The following LRMDA variants were observed in gnomAD, a reference collection of about 807,000 sequenced individuals.
LRMDA encodes the protein leucine rich melanocyte differentiation associated.
LRMDA carries 18 observed loss-of-function variants against 29.8 expected under a neutral mutation model. That is an observed-to-expected ratio of 0.60 (90% CI 0.42 to 0.90). The LOEUF is 0.90. Ranked by LOEUF, LRMDA falls within the 40% of genes least tolerant of loss-of-function variation. The pLI is 0.00. For synonymous variants in LRMDA, 125 were observed against 109.4 expected, an observed-to-expected ratio of 1.14 and a Z score of -0.89; for missense variants, 273 against 273.9, an observed-to-expected ratio of 1.00 and a Z score of 0.02.
At chr10:76,539,201 A>G (rs1393894913) in intron 6 of LRMDA, among the ~76,000 whole-genome samples, 3 of 152,206 alleles carry the variant, frequency 2.0e-5, no homozygotes, top group African/African-American at 7.2e-5. Flanking sequence ...ACCCCAAGGA[A>G]GGCAAGGAAG....
chr10:75,769,939 C>A lies in LRMDA; in HGVS notation c.132-266069C>A, dbSNP rs181539510. Among the ~76,000 whole-genome samples, 17 of 152,188 alleles carry A rather than the reference C, an allele frequency of 1.1e-4. No homozygotes were observed. The East Asian group carries it at 3.1e-3, about 28-fold the overall frequency. On this transcript the variant is annotated intron_variant, in intron 2 of 6. Transcript: ENST00000611255. ...TGGAGGTTGCAGTGAGCCAAGAGTG[C>A]ACCACTGCACTCCAGCCTGGATGAC...
chr10:75,616,695 A>G (rs1235024725), intron 2 of LRMDA, among the ~76,000 whole-genome samples: 4 of 152,180 alleles, frequency 2.6e-5, no homozygotes, highest in Non-Finnish European at 4.4e-5. Context: ...AGTTATCTCA[A>G]AATTTGGTTT....
Position 76,239,875 on chromosome 10 carries a change from A to G in LRMDA, c.517-84526A>G, listed in dbSNP as rs1032350626. Among the ~76,000 whole-genome samples, 9 of 151,856 alleles carry G rather than the reference A, an allele frequency of 5.9e-5. No individual in the cohort carries two copies. The East Asian group carries it at 1.5e-3, about 26-fold the overall frequency. On this transcript the variant is annotated intron_variant, in intron 5 of 6. Transcript: ENST00000611255. The stretch of plus-strand genomic sequence containing the variant: ...AACTCTGTGAGGTGATGGGTGTGTT[A>G]ATTAATTTGATTGTGCTAATCATTA...
chr10:75,787,416 G>A (rs968810871), intron 2 of LRMDA, among the ~76,000 whole-genome samples: 13 of 152,238 alleles, frequency 8.5e-5, no homozygotes, highest in Admixed American at 2.0e-4. Flanking sequence ...CTCAGGAGGC[G>A]CCTGAATCTT....
At chr10:75,613,912 C>T (rs1036812589) in intron 2 of LRMDA, among the ~76,000 whole-genome samples, 4 of 152,190 alleles carry the variant, frequency 2.6e-5, no homozygotes, top group African/African-American at 7.2e-5. Flanking sequence ...CATAGGTTGC[C>T]TATTCAGGGA....
chr10:76,359,045 C>T (rs1427536931), intron 6 of LRMDA, among the ~76,000 whole-genome samples: 1 of 152,132 alleles, frequency 6.6e-6, no homozygotes, highest in African/African-American at 2.4e-5. Flanking sequence ...CTCTGTTCTC[C>T]CAGCCCATCC....
At chr10:75,490,694 T>C (rs1844975874) in intron 2 of LRMDA, among the ~76,000 whole-genome samples, 1 of 152,164 alleles carries the variant, frequency 6.6e-6, no homozygotes, top group Non-Finnish European at 1.5e-5. Flanking sequence ...TGCAACTAGA[T>C]TTTGGGATAT....
At chr10:75,740,332 T>G (rs969712428) in intron 2 of LRMDA, among the ~76,000 whole-genome samples, 1 of 152,216 alleles carries the variant, frequency 6.6e-6, no homozygotes, top group South Asian at 2.1e-4. Context: ...GAATGGCTCC[T>G]GGGAACACGG....
At chr10:75,831,449 C>T (rs1407856089) in intron 2 of LRMDA, among the ~76,000 whole-genome samples, 3 of 152,238 alleles carry the variant, frequency 2.0e-5, no homozygotes, top group East Asian at 1.9e-4. Flanking sequence ...TCTTGGGCAG[C>T]TCTGCCCCTC....
intron 2 of LRMDA, among the ~76,000 whole-genome samples, chr10:75,537,533 T>G (rs1839964396): frequency 6.6e-6 from 1 of 152,214 alleles, no homozygotes; most frequent in African/African-American, 2.4e-5. Flanking sequence ...AATTTATCCT[T>G]GTTATCCTTG....
chr10:76,485,343 C>T lies in LRMDA; in HGVS notation c.602-71866C>T, dbSNP rs1907330. Among the ~76,000 whole-genome samples, 702 of 151,926 alleles carry T rather than the reference C, an allele frequency of 4.6e-3. 3 individuals carry two copies. The highest frequency in any genetic ancestry group is 7.3e-3 in the Non-Finnish European group (494 of 67,844). ...TGGTTGACTTAAAGTTTGTAATACA[C>T]GTTTACAGCTATTCTAAGTTTGACT... On this transcript the variant is annotated intron_variant, in intron 6 of 6. Coordinates refer to ENST00000611255, the MANE Select transcript of LRMDA (RefSeq NM_001305581.2).
At chr10:75,891,229 GAA>G (rs1221952488) in intron 2 of LRMDA, among the ~76,000 whole-genome samples, 2 of 152,218 alleles carry the variant, frequency 1.3e-5, no homozygotes, top group Non-Finnish European at 2.9e-5. Flanking sequence ...TTCCCTGTAG[GAA>G]GAAACAAGAA....
intron 6 of LRMDA, among the ~76,000 whole-genome samples, chr10:76,342,996 C>T (rs1483677175): frequency 6.6e-6 from 1 of 151,784 alleles, no homozygotes; most frequent in African/African-American, 2.4e-5. Flanking sequence ...TAAAAAAAAC[C>T]CTGATCTGTA....
intron 2 of LRMDA, chr10:75,782,996 C>T (rs757472953): frequency 1.9e-6 from 3 of 1,604,842 alleles, no homozygotes; most frequent in African/African-American, 1.4e-5. Context: ...ATTTGTCACT[C>T]AGCGGCAATC....
intron 2 of LRMDA, among the ~76,000 whole-genome samples, chr10:75,857,633 C>T (rs1053654813): frequency 2.0e-5 from 3 of 152,282 alleles, no homozygotes. Flanking sequence ...GTTTGGGAGC[C>T]TCTATCTCTT....
intron 2 of LRMDA, among the ~76,000 whole-genome samples, chr10:75,684,494 G>A (rs1842060401): frequency 6.6e-6 from 1 of 152,182 alleles, no homozygotes. Context: ...ATATTCCTAA[G>A]TCTTAAATAA....
At chr10:76,483,780 C>G (rs557783264) in intron 6 of LRMDA, among the ~76,000 whole-genome samples, 2 of 149,354 alleles carry the variant, frequency 1.3e-5, no homozygotes, top group South Asian at 4.2e-4. Context: ...GCTTTATTTT[C>G]CATATTTAGG....
chr10:75,779,040 AATGGTTCTTTTG>A (rs1316761063), intron 2 of LRMDA, among the ~76,000 whole-genome samples: 4 of 152,148 alleles, frequency 2.6e-5, no homozygotes, highest in Non-Finnish European at 5.9e-5. Flanking sequence ...GGTGGTATTA[AATGGTTCTTTTG>A]TAAAGGTAGG....
intron 6 of LRMDA, among the ~76,000 whole-genome samples, chr10:76,429,940 C>T (rs187710578): frequency 3.3e-5 from 5 of 152,194 alleles, no homozygotes; most frequent in Non-Finnish European, 7.4e-5. Flanking sequence ...GAACCAGATC[C>T]GAGACAACTA....
Sources: allele counts gnomAD v4.1 joint callset (sites outside exome capture counted in the v4.1 genomes callset), GRCh38; gene constraint gnomAD v4.1.1; transcripts MANE v1.5; gene names NCBI Gene and HGNC (gene_info 2026-07-23, HGNC 2026-07-21).